The following TBX1 variants were observed in gnomAD, a reference collection of about 807,000 sequenced individuals.
TBX1 encodes T-box transcription factor TBX1.
A neutral mutation model predicts 40.8 loss-of-function variants in TBX1; 16 were observed. The observed-to-expected ratio is 0.39, with a 90% CI of 0.27 to 0.60. The LOEUF (loss-of-function observed/expected upper bound fraction) is 0.60, where lower values mean the gene tolerates loss of function less well. Ranked by LOEUF, TBX1 falls within the 20% of genes least tolerant of loss-of-function variation. The probability of loss-of-function intolerance (pLI) is 0.51; values close to 1 mark genes in which losing one functional copy is unlikely to be tolerated. For synonymous variants in TBX1, 403 were observed against 336.8 expected (o/e 1.20, Z -2.15); for missense variants, 755 against 728.5 (o/e 1.04, Z -0.42).
downstream of TBX1, among the ~76,000 whole-genome samples, chr22:19,771,109 G>A (rs1936982907): frequency 6.6e-6 from 1 of 152,156 alleles, no homozygotes; most frequent in Non-Finnish European, 1.5e-5. Flanking sequence ...TGCTCGGGCA[G>A]GGTCCACAAG....
At chr22:19,765,193 C>T in intron 4 of TBX1, 80 bp downstream of exon 4, 3 of 1,600,642 alleles carry the variant, frequency 1.9e-6, no homozygotes, top group East Asian at 2.2e-5. Flanking sequence ...CGTTTGGGGA[C>T]AGTGGGTCCG....
At chr22:19,773,449 G>GA (rs1569028856) in intron 8 of TBX1, among the ~76,000 whole-genome samples, 1 of 152,130 alleles carries the variant, frequency 6.6e-6, no homozygotes, top group Non-Finnish European at 1.5e-5. Flanking sequence ...TGCAACTGGG[G>GA]GCACCCTAGC....
In TBX1 at chr22:19,766,919, C is replaced by T. The variant is rs756861421; in HGVS notation, c.*52C>T. On this transcript the variant is annotated 3_prime_UTR_variant, in exon 7 of 7. Transcript: ENST00000649276. ...GGTCCTGCACAGCCCCGAAGTTCGC[C>T]GGGCCCGGCCACCCTGCCCCAAGGG... 5.9e-5 allele frequency: 93 copies of T among 1,567,876 alleles called. No individual in the cohort carries two copies. Among genetic ancestry groups the T allele is most frequent in the Non-Finnish European group, 7.5e-5 (88 of 1,165,824 alleles).
At chr22:19,780,495 C>T (rs1353351523), downstream of TBX1, among the ~76,000 whole-genome samples, 2 of 152,218 alleles carry the variant, frequency 1.3e-5, no homozygotes, top group Non-Finnish European at 2.9e-5. Flanking sequence ...GTCTGTACCA[C>T]GTTTTGTTGA....
At chr22:19,759,513 T>A (rs982977424), upstream of TBX1, 3 of 1,518,094 alleles carry the variant, frequency 2.0e-6, no homozygotes, top group Non-Finnish European at 2.6e-6. Context: ...CGGAGCCCGC[T>A]GTCTCCCCGA....
At chr22:19,761,652 C>T (rs1336578326) in intron 1 of TBX1, among the ~76,000 whole-genome samples, 2 of 152,174 alleles carry the variant, frequency 1.3e-5, no homozygotes, top group African/African-American at 4.8e-5. Context: ...TCCAGGGGGC[C>T]TCACCGCCCG....
intron 8 of TBX1, among the ~76,000 whole-genome samples, chr22:19,774,895 CGGGAATA>C (rs1937042086): frequency 9.5e-6 from 1 of 104,914 alleles, no homozygotes; most frequent in African/African-American, 4.4e-5. Context: ...CGCACAGCAT[CGGGAATA>C]CACAATGCCA....
Position 19,760,790 on chromosome 22 carries a change from G to GCCCA in TBX1, c.-53_-52insCCAC, listed in dbSNP as rs1936628355. 1 of 544,860 alleles carries GCCCA rather than the reference G, an allele frequency of 1.8e-6. No individual in the cohort carries two copies. The highest frequency in any genetic ancestry group is 6.6e-5 in the Admixed American group (1 of 15,118). The allele number at this position is 544,860 out of a possible 1,614,324, so 33.8% of individuals were successfully genotyped here. A position where few individuals can be genotyped will look rare whatever the true frequency, so the allele number is the denominator to read the frequency against. On this transcript the variant is annotated 5_prime_UTR_variant, in exon 1 of 7. Coordinates refer to ENST00000649276, the MANE Select transcript of TBX1 (RefSeq NM_001379200.1). ...CGCGGCGCCCGCCACTCGGCCCGCG[G>GCCCA]CGCGGGGCAGCGCTCAGCTTGGTGG...
intron 1 of TBX1, 81 bp from the exon 2 acceptor site, chr22:19,763,160 C>G: frequency 8.7e-7 from 1 of 1,145,624 alleles, no homozygotes; most frequent in Non-Finnish European, 1.3e-6. Context: ...AGGGGCCGAG[C>G]AGAGGGGCCG....
intron 6 of TBX1, 110 bp from the exon 7 acceptor site, chr22:19,766,279 G>A: frequency 8.4e-7 from 1 of 1,191,648 alleles, no homozygotes; most frequent in Non-Finnish European, 1.0e-6. Flanking sequence ...GACTGGTCGG[G>A]GAACACCGAG....
chr22:19,765,662 T>C (rs578007841), intron 4 of TBX1, 96 bp from the exon 5 acceptor site: 1 of 1,376,790 alleles, frequency 7.3e-7, no homozygotes, highest in Admixed American at 1.9e-5. Context: ...GAAAGGCCCT[T>C]GGTGCGCTTC....
intron 8 of TBX1, among the ~76,000 whole-genome samples, chr22:19,773,035 C>A (rs949392914): frequency 6.6e-6 from 1 of 152,204 alleles, no homozygotes; most frequent in Non-Finnish European, 1.5e-5. Flanking sequence ...ACAGGAAGCC[C>A]GGGCACCGCA....
chr22:19,781,758 A>T (rs1937144756), downstream of TBX1, among the ~76,000 whole-genome samples: 1 of 152,194 alleles, frequency 6.6e-6, no homozygotes, highest in Non-Finnish European at 1.5e-5. Context: ...TTGCATTTGT[A>T]AATCCAGTTT....
At chr22:19,768,898 G>T (rs1177945651), downstream of TBX1, among the ~76,000 whole-genome samples, 4 of 150,674 alleles carry the variant, frequency 2.7e-5, no homozygotes, top group African/African-American at 9.7e-5. Context: ...CATGCAAGAT[G>T]GAGCACCCAG....
At chr22:19,776,366 G>A (rs1937065339) in intron 8 of TBX1, among the ~76,000 whole-genome samples, 1 of 152,148 alleles carries the variant, frequency 6.6e-6, no homozygotes, top group African/African-American at 2.4e-5. Context: ...GGGTGGGAGG[G>A]TAAGGCAAAA....
At position 19,766,585 on chromosome 22, in the gene TBX1, G is replaced by A; in HGVS notation, c.1233G>A (p.Leu411=). ...RPSPPNPELR[L]EAPGASEPLH... ...GTCCCCCGAACCCCGAGCTGCGCCTGGAGGCGCCCGGCGCATCGGAGCCGC... is the reference window on the plus strand; with the variant it reads ...GTCCCCCGAACCCCGAGCTGCGCCTAGAGGCGCCCGGCGCATCGGAGCCGC... The change falls in exon 7 of 7, where the codon CTG becomes CTA. Residue 411 remains leucine, a synonymous_variant. Coordinates refer to ENST00000649276, the MANE Select transcript of TBX1 (RefSeq NM_001379200.1). 6.8e-7 allele frequency: 1 copy of A among 1,472,630 alleles called. No individual in the cohort carries two copies. The highest frequency in any genetic ancestry group is 9.0e-7 in the Non-Finnish European group (1 of 1,116,224). 91.2% of individuals were successfully genotyped at this position (1,472,630 alleles called of 1,614,324 possible). A position where few individuals can be genotyped will look rare whatever the true frequency, so the allele number is the denominator to read the frequency against.
chr22:19,778,301 A>G (rs544467179), intron 8 of TBX1, among the ~76,000 whole-genome samples: 6 of 151,478 alleles, frequency 4.0e-5, no homozygotes, highest in African/African-American at 1.5e-4. Flanking sequence ...GGGTCTCACT[A>G]TGTTGCCCAG....
At chr22:19,779,578 T>C (rs1372579847), downstream of TBX1, 1 of 1,441,234 alleles carries the variant, frequency 6.9e-7, no homozygotes, top group Non-Finnish European at 9.1e-7. Context: ...TCCCAGTTGA[T>C]AAATCAAAAC....
intron 8 of TBX1, among the ~76,000 whole-genome samples, chr22:19,772,557 C>G: frequency 6.6e-6 from 1 of 152,138 alleles, no homozygotes; most frequent in East Asian, 1.9e-4. Context: ...CTCAAGTGAT[C>G]CTTTGGCCTC....
Sources: gnomAD v4.1 joint callset for allele counts (sites outside exome capture counted in the v4.1 genomes callset) on GRCh38, gnomAD v4.1.1 for gene constraint, MANE v1.5 for transcripts, NCBI Gene and HGNC (gene_info 2026-07-23, HGNC 2026-07-21) for gene names.